ZNF705B: variants seen among roughly 807,000 people sequenced by gnomAD.
ZNF705B encodes the protein zinc finger protein 705B.
Under a neutral mutation model 10.5 loss-of-function variants are expected in ZNF705B, and 1 was observed. The observed-to-expected ratio is 0.10, with a 90% CI of 0.03 to 0.45. The LOEUF (loss-of-function observed/expected upper bound fraction) is 0.45, where lower values mean the gene tolerates loss of function less well. ZNF705B is among the 20% of genes least tolerant of loss of function. The pLI, the probability that ZNF705B is intolerant of heterozygous loss-of-function variation, is 0.97. For synonymous variants in ZNF705B, 4 were observed against 25.4 expected (o/e 0.16, Z 2.53); for missense variants, 14 against 84.0 (o/e 0.17, Z 3.26).
intron 1 of ZNF705B, among the ~76,000 whole-genome samples, 194 bp from the exon 2 acceptor site, chr8:7,930,093 T>C (rs1392459857): frequency 2.6e-4 from 29 of 109,532 alleles, no homozygotes; most frequent in Admixed American, 8.0e-4. Context: ...ACCCTGGTAC[T>C]GAACATAGTA....
chr8:7,936,919 T>G (rs1410537952), intron 2 of ZNF705B, among the ~76,000 whole-genome samples: 3 of 119,938 alleles, frequency 2.5e-5, no homozygotes, highest in African/African-American at 7.7e-5. Context: ...TTTAAAATTA[T>G]GATGTACCAT....
In ZNF705B at chr8:7,936,273, T is replaced by G. The variant is rs1820012795; in HGVS notation, c.-72+5837T>G. Among the ~76,000 whole-genome samples, 2 of 120,446 alleles carry G rather than the reference T, an allele frequency of 1.7e-5. 1 individual carries two copies. 79.0% of individuals were successfully genotyped at this position (120,446 alleles called of 152,430 possible). On this transcript the variant is annotated intron_variant, in intron 2 of 6. Coordinates refer to ENST00000400120, the MANE Select transcript of ZNF705B (RefSeq NM_001193630.1). Reference sequence around the variant, plus strand: ...TCAGAGGTCTTTGAATCATGTGTACTATTTTACTATACCTGATTCTATTGA... The same window carrying G: ...TCAGAGGTCTTTGAATCATGTGTACGATTTTACTATACCTGATTCTATTGA...
chr8:7,930,539 C>T (rs1403193955), intron 2 of ZNF705B, 103 bp downstream of exon 2: 2 of 82,328 alleles, frequency 2.4e-5, no homozygotes, highest in East Asian at 3.4e-4. Context: ...TATGGAATAA[C>T]TGAACAGCTG....
intron 2 of ZNF705B, among the ~76,000 whole-genome samples, chr8:7,944,926 C>T (rs1297798167): frequency 1.5e-5 from 1 of 66,204 alleles, no homozygotes; most frequent in South Asian, 5.9e-4. Context: ...GCCGACATCG[C>T]GCCACTGCAC....
chr8:7,931,819 T>A (rs2719531), intron 2 of ZNF705B, among the ~76,000 whole-genome samples: 20,683 of 94,000 alleles, frequency 0.22, 3,090 homozygotes, highest in Non-Finnish European at 0.31. Context: ...TGAATGGCAC[T>A]GCCAGTTCCC....
At chr8:7,928,279 G>C (rs1334127946) in intron 1 of ZNF705B, among the ~76,000 whole-genome samples, 1 of 119,682 alleles carries the variant, frequency 8.4e-6, no homozygotes, top group Non-Finnish European at 2.0e-5. Flanking sequence ...TTGGGGGTTG[G>C]CATTTCAACA....
In ZNF705B at chr8:7,931,183, T is replaced by G. The variant is rs1484801842; in HGVS notation, c.-72+747T>G. Among the ~76,000 whole-genome samples, 84 of 121,040 alleles carry G rather than the reference T, an allele frequency of 6.9e-4. 23 individuals carry two copies. Among genetic ancestry groups the G allele is most frequent in the Non-Finnish European group, 1.4e-3 (69 of 50,344 alleles). 79.4% of individuals were successfully genotyped at this position (121,040 alleles called of 152,430 possible). A position where few individuals can be genotyped will look rare whatever the true frequency, so the allele number is the denominator to read the frequency against. The stretch of plus-strand genomic sequence containing the variant: ...CCAGCAGTGACAGTGGTGAGCTCGG[T>G]AGATAGGCATGCCCTCAAGACCCTG... On this transcript the variant is annotated intron_variant, in intron 2 of 6. Coordinates refer to ENST00000400120, the MANE Select transcript of ZNF705B (RefSeq NM_001193630.1).
chr8:7,940,385 T>C (rs1220464076), intron 2 of ZNF705B, among the ~76,000 whole-genome samples: 1 of 141,780 alleles, frequency 7.1e-6, no homozygotes, highest in Non-Finnish European at 1.6e-5. Flanking sequence ...ATTATAACCA[T>C]ATCCTTCACC....
intron 2 of ZNF705B, among the ~76,000 whole-genome samples, chr8:7,937,337 C>G (rs1024091454): frequency 1.8e-5 from 2 of 110,290 alleles, no homozygotes; most frequent in Non-Finnish European, 4.3e-5. Flanking sequence ...GAGATGCCAC[C>G]TTTCATTAGG....
chr8:7,929,597 C>T (rs1197493022), intron 1 of ZNF705B, among the ~76,000 whole-genome samples: 1 of 123,370 alleles, frequency 8.1e-6, no homozygotes, highest in Non-Finnish European at 1.9e-5. Context: ...ATCATGAGTC[C>T]ATAGATGGAA....
intron 2 of ZNF705B, among the ~76,000 whole-genome samples, chr8:7,935,739 A>T (rs1819996309): frequency 1.1e-5 from 1 of 88,248 alleles, no homozygotes; most frequent in African/African-American, 2.8e-5. Flanking sequence ...AATAAAGGTC[A>T]TGCTTTTCTG....
intron 1 of ZNF705B, among the ~76,000 whole-genome samples, chr8:7,927,846 A>T (rs1272312317): frequency 6.9e-6 from 1 of 144,328 alleles, no homozygotes; most frequent in Non-Finnish European, 1.5e-5. Flanking sequence ...TGATGTCTAC[A>T]TCTCATCAAC....
chr8:7,935,372 AC>A (rs1437059060), intron 2 of ZNF705B, among the ~76,000 whole-genome samples: 1 of 147,572 alleles, frequency 6.8e-6, no homozygotes, highest in Non-Finnish European at 1.5e-5. Context: ...CTAAGATATC[AC>A]TGCTCTGGGG....
chr8:7,941,002 C>T (rs1820141723), intron 2 of ZNF705B, among the ~76,000 whole-genome samples: 1 of 149,094 alleles, frequency 6.7e-6, no homozygotes, highest in Non-Finnish European at 1.5e-5. Context: ...ATTCATGTTC[C>T]TGCAAAGAAC....
rs1418793289 is a variant in ZNF705B, at chr8:7,944,927, G to A, written c.-71-2424G>A. ...GGAGGTTGCGGTGAGCCGACATCGC[G>A]CCACTGCACTCCAGCCTGGGCAACA... is the stretch of plus-strand genomic sequence containing the variant. On this transcript the variant is annotated intron_variant, in intron 2 of 6. Transcript: ENST00000400120. 9.1e-5 allele frequency among the ~76,000 whole-genome samples: 6 copies of A among 65,590 alleles called. 1 individual carries two copies. Among genetic ancestry groups the A allele is most frequent in the Admixed American group, 2.4e-4 (1 of 4,098 alleles). The allele number at this position is 65,590 out of a possible 152,430, so 43.0% of individuals were successfully genotyped here.
intron 2 of ZNF705B, among the ~76,000 whole-genome samples, chr8:7,931,751 C>T (rs1819856268): frequency 7.6e-6 from 1 of 130,988 alleles, no homozygotes; most frequent in Non-Finnish European, 1.8e-5. Context: ...GAAGGTGACT[C>T]TCCACTTGAG....
chr8:7,928,493 A>G (rs577745778), intron 1 of ZNF705B, among the ~76,000 whole-genome samples: 5 of 120,710 alleles, frequency 4.1e-5, no homozygotes, highest in African/African-American at 1.0e-4. Flanking sequence ...TTGTTACTTT[A>G]GAAGCTCACA....
rs1395645562 is a variant in ZNF705B, at chr8:7,933,901, G to T, written c.-72+3465G>T. ...ATAGAAGGATACTGGAAACCAAACA[G>T]TAATCAAGTCATAACATGTAATATA... On this transcript the variant is annotated intron_variant, in intron 2 of 6. Transcript: ENST00000400120. Among the ~76,000 whole-genome samples, 2 of 75,716 alleles carry T rather than the reference G, an allele frequency of 2.6e-5. 1 individual carries two copies. The highest frequency in any genetic ancestry group is 6.3e-5 in the Non-Finnish European group (2 of 31,948). The allele number at this position is 75,716 out of a possible 152,430, so 49.7% of individuals were successfully genotyped here.
chr8:7,937,746 C>A lies in ZNF705B; in HGVS notation c.-72+7310C>A, dbSNP rs1250918413. Among the ~76,000 whole-genome samples, 541 of 90,200 alleles carry A rather than the reference C, an allele frequency of 6.0e-3. 5 individuals carry two copies. Among genetic ancestry groups the A allele is most frequent in the African/African-American group, 0.015 (507 of 32,984 alleles). 59.2% of individuals were successfully genotyped at this position (90,200 alleles called of 152,430 possible). A position where few individuals can be genotyped will look rare whatever the true frequency, so the allele number is the denominator to read the frequency against. On this transcript the variant is annotated intron_variant, in intron 2 of 6. Transcript: ENST00000400120. Reference sequence around the variant, plus strand: ...TTAATATGATTGGATATGGTATCACCTTTTTTCAGGCTTTAGAAAGTAATA... The same window carrying A: ...TTAATATGATTGGATATGGTATCACATTTTTTCAGGCTTTAGAAAGTAATA...
Sources: allele counts gnomAD v4.1 joint callset (sites outside exome capture counted in the v4.1 genomes callset), GRCh38; gene constraint gnomAD v4.1.1; transcripts MANE v1.5; gene names NCBI Gene and HGNC (gene_info 2026-07-23, HGNC 2026-07-21).